Variants in PVALEF observed in about 807,000 individuals in gnomAD.
The protein encoded by PVALEF is parvalbumin-like EF-hand-containing protein.
Under a neutral mutation model 1.2 loss-of-function variants are expected in PVALEF, and 2 were observed. The observed-to-expected ratio is 1.68, with a 90% CI of 0.69 to 5.28. The LOEUF is 5.28. PVALEF is among the 30% of genes most tolerant of loss of function. PVALEF has a pLI of 0.06. For synonymous variants in PVALEF, 16 were observed against 6.5 expected (o/e 2.47, Z -2.24); for missense variants, 35 against 17.7 (o/e 1.97, Z -1.75).
intron 2 of PVALEF, among the ~76,000 whole-genome samples, chr17:81,171,653 G>A (rs1457823199): frequency 1.3e-5 from 2 of 151,940 alleles, no homozygotes; most frequent in Non-Finnish European, 2.9e-5. Flanking sequence ...CACCACACCC[G>A]GCTAATTTTT....
chr17:81,176,299 A>G (rs1268363419), intron 2 of PVALEF, among the ~76,000 whole-genome samples: 1 of 152,164 alleles, frequency 6.6e-6, no homozygotes, highest in Non-Finnish European at 1.5e-5. Flanking sequence ...TGGGCGGATC[A>G]CCTGAGGCCA....
intron 1 of PVALEF, among the ~76,000 whole-genome samples, 167 bp from the exon 2 acceptor site, chr17:81,166,510 G>T (rs1182475238): frequency 4.8e-5 from 5 of 103,380 alleles, no homozygotes; most frequent in Admixed American, 2.7e-4. Context: ...TGGCGGGGGG[G>T]GGGGAAACGG....
intron 1 of PVALEF, 137 bp downstream of exon 1, chr17:81,165,884 ACGTCCG>A (rs2061483770): frequency 1.3e-6 from 2 of 1,549,336 alleles, no homozygotes; most frequent in Non-Finnish European, 1.7e-6. Context: ...CAGGGGCATC[ACGTCCG>A]CAGCGGAGGG....
rs1444545712 is a variant in PVALEF, at chr17:81,165,766, G to A, written c.-508+19G>A. 2 of 1,514,796 alleles carry A rather than the reference G, an allele frequency of 1.3e-6. No individual in the cohort carries two copies. Among genetic ancestry groups the A allele is most frequent in the East Asian group, 2.5e-5 (1 of 39,664 alleles). 93.8% of individuals were successfully genotyped at this position (1,514,796 alleles called of 1,614,324 possible). A position where few individuals can be genotyped will look rare whatever the true frequency, so the allele number is the denominator to read the frequency against. On this transcript the variant is annotated intron_variant, in intron 1 of 6. Coordinates refer to ENST00000637878, the MANE Select transcript of PVALEF (RefSeq NM_001354639.2). ...GAGGCCGGTTTGTGCTGGGGCCCAG[G>A]GCCTGCCCCTCCGAGATCTGGGGCC... is the stretch of plus-strand genomic sequence containing the variant.
In PVALEF at chr17:81,167,055, G is replaced by A. The variant is rs140528517; in HGVS notation, c.-340+211G>A. The stretch of plus-strand genomic sequence containing the variant: ...TGCCTGTAATCCCAGCACTTTGGGA[G>A]GCCAGGGCAGGCGGGTGGCTTGTGC... On this transcript the variant is annotated intron_variant, in intron 2 of 6. Coordinates refer to ENST00000637878, the MANE Select transcript of PVALEF (RefSeq NM_001354639.2). 6.8e-3 allele frequency among the ~76,000 whole-genome samples: 1,029 copies of A among 152,186 alleles called. 13 individuals carry two copies. The highest frequency in any genetic ancestry group is 0.024 in the African/African-American group (990 of 41,534).
rs1178688942 is a variant in PVALEF, at chr17:81,179,780, C to T, written c.-105+628C>T. 2.0e-5 allele frequency among the ~76,000 whole-genome samples: 3 copies of T among 152,168 alleles called. 1 individual carries two copies. The highest frequency in any genetic ancestry group is 7.2e-5 in the African/African-American group (3 of 41,446). On this transcript the variant is annotated intron_variant, in intron 3 of 6. Coordinates refer to ENST00000637878, the MANE Select transcript of PVALEF (RefSeq NM_001354639.2). ...CCGAGAATGGAAGGTCGGGAATGGCCCGGAGCAGGGCATCCCAGATGTAGC... is the reference window on the plus strand; with the variant it reads ...CCGAGAATGGAAGGTCGGGAATGGCTCGGAGCAGGGCATCCCAGATGTAGC...
chr17:81,165,955 C>G (rs866038798), intron 1 of PVALEF: 2 of 1,585,176 alleles, frequency 1.3e-6, no homozygotes. Flanking sequence ...GAAGTGCGAG[C>G]TGAAGGCGAA....
In PVALEF at chr17:81,178,954, C is replaced by T. The variant is rs777106449; in HGVS notation, c.-303C>T. The T allele has an allele frequency of 1.5e-4, 54 of 358,574 alleles. No homozygotes were observed. Among genetic ancestry groups the T allele is most frequent in the Non-Finnish European group, 3.0e-4 (52 of 173,296 alleles). The allele number at this position is 358,574 out of a possible 1,614,324, so 22.2% of individuals were successfully genotyped here. On this transcript the variant is annotated 5_prime_UTR_variant, in exon 3 of 7. Transcript: ENST00000637878. ...CCAGGCACTGCTAAGGGTCAGTCTG[C>T]CCAGACCAGTGTGGACACACCAAGT...
chr17:81,167,083 A>T (rs1017201923), intron 2 of PVALEF, among the ~76,000 whole-genome samples: 1 of 152,236 alleles, frequency 6.6e-6, no homozygotes, highest in African/African-American at 2.4e-5. Context: ...GCTTGTGCTC[A>T]GGGGTTCCAG....
intron 2 of PVALEF, 109 bp downstream of exon 2, chr17:81,166,953 G>C: frequency 3.1e-6 from 1 of 317,946 alleles, no homozygotes. Flanking sequence ...GGGTTGGGGC[G>C]GGGCAGGGTC....
Position 81,181,709 on chromosome 17 carries a change from C to G in PVALEF, c.242+15C>G, listed in dbSNP as rs898552251. The G allele has an allele frequency of 1.0e-4, 40 of 399,976 alleles. No individual in the cohort carries two copies. In the Admixed American group the frequency reaches 1.0e-3, roughly 10 times the overall value. 24.8% of individuals were successfully genotyped at this position (399,976 alleles called of 1,614,324 possible). ...AACGAGATCAAGTAATGGCTGGCGGCCACGGAGGGGTGGGGCCCAGGCCAC... is the reference window on the plus strand; with the variant it reads ...AACGAGATCAAGTAATGGCTGGCGGGCACGGAGGGGTGGGGCCCAGGCCAC... On this transcript the variant is annotated intron_variant, in intron 5 of 6. Transcript: ENST00000637878.
At chr17:81,175,744 T>C (rs2061534171) in intron 2 of PVALEF, among the ~76,000 whole-genome samples, 1 of 152,138 alleles carries the variant, frequency 6.6e-6, no homozygotes, top group Non-Finnish European at 1.5e-5. Context: ...TGCAAAATAA[T>C]GAAATTGGGC....
At chr17:81,168,946 A>G (rs1408790836) in intron 2 of PVALEF, among the ~76,000 whole-genome samples, 2 of 152,254 alleles carry the variant, frequency 1.3e-5, no homozygotes, top group East Asian at 3.8e-4. Context: ...TGGTCCATAC[A>G]CAGGACCAAA....
In PVALEF at chr17:81,182,960, T is replaced by C; in HGVS notation, c.359-5T>C. On this transcript the variant is annotated splice_region_variant and splice_polypyrimidine_tract_variant and intron_variant, in intron 6 of 6. Transcript: ENST00000637878. ...TACTTACTTTAAATTGGTCTCCTGC[T>C]CTAGAATTTTCTGAATTGATCAAAA... 1 of 398,650 alleles carries C rather than the reference T, an allele frequency of 2.5e-6. No individual in the cohort carries two copies. Among genetic ancestry groups the C allele is most frequent in the Non-Finnish European group, 4.4e-6 (1 of 226,066 alleles). 24.7% of individuals were successfully genotyped at this position (398,650 alleles called of 1,614,324 possible). A position where few individuals can be genotyped will look rare whatever the true frequency, so the allele number is the denominator to read the frequency against.
At chr17:81,175,667 C>A (rs2061533976) in intron 2 of PVALEF, among the ~76,000 whole-genome samples, 1 of 152,124 alleles carries the variant, frequency 6.6e-6, no homozygotes, top group Non-Finnish European at 1.5e-5. Flanking sequence ...GACAAGGGTG[C>A]CAAGACCATT....
At position 81,165,715 on chromosome 17, in the gene PVALEF, A is replaced by C; in HGVS notation, c.-540A>C. 6.6e-7 allele frequency: 1 copy of C among 1,520,578 alleles called. No homozygotes were observed. The allele number at this position is 1,520,578 out of a possible 1,614,324, so 94.2% of individuals were successfully genotyped here. ...TGGAGGCAGCCACGGAGTCACGACC[A>C]CGCGGGGGACGCCAGCCCACAGGCG... On this transcript the variant is annotated 5_prime_UTR_variant, in exon 1 of 7. Coordinates refer to ENST00000637878, the MANE Select transcript of PVALEF (RefSeq NM_001354639.2).
Position 81,168,135 on chromosome 17 carries a change from G to A in PVALEF, c.-340+1291G>A, listed in dbSNP as rs540805416. Among the ~76,000 whole-genome samples, 10 of 152,334 alleles carry A rather than the reference G, an allele frequency of 6.6e-5. No individual in the cohort carries two copies. In the South Asian group the frequency reaches 2.1e-3, roughly 32 times the overall value. On this transcript the variant is annotated intron_variant, in intron 2 of 6. Transcript: ENST00000637878. ...CTAGACACCTGGACCTAGGCAGGGG[G>A]AGGTGGCCAGTGGCCGTGGGTGGTT...
At chr17:81,176,854 A>G (rs12103867) in intron 2 of PVALEF, among the ~76,000 whole-genome samples, 34,265 of 151,856 alleles carry the variant, frequency 0.23, 4,245 homozygotes, top group Non-Finnish European at 0.28. Context: ...AGGTGGACGA[A>G]AAATCCAGGA....
At chr17:81,174,857 G>A (rs923554455) in intron 2 of PVALEF, among the ~76,000 whole-genome samples, 3 of 151,086 alleles carry the variant, frequency 2.0e-5, no homozygotes, top group Admixed American at 6.6e-5. Flanking sequence ...GCTGAGGCAG[G>A]AGAATGGTGC....
Sources: allele counts gnomAD v4.1 joint callset (sites outside exome capture counted in the v4.1 genomes callset), GRCh38; gene constraint gnomAD v4.1.1; transcripts MANE v1.5; gene names NCBI Gene and HGNC (gene_info 2026-07-23, HGNC 2026-07-21).